DLG2: variants seen among roughly 807,000 people sequenced by gnomAD.
DLG2 encodes the protein discs large MAGUK scaffold protein 2.
Under a neutral mutation model 132.5 loss-of-function variants are expected in DLG2, and 45 were observed. That is an observed-to-expected ratio of 0.34 (90% CI 0.27 to 0.44). DLG2 has a LOEUF of 0.44. DLG2 is among the 20% of genes least tolerant of loss of function. DLG2 has a pLI of 1.00. For missense variants in DLG2, 1,045 were observed against 1,196.9 expected (o/e 0.87, Z 1.87); for synonymous variants, 424 against 419.6 (o/e 1.01, Z -0.13).
At chr11:83,724,472 TGTGTGAGAGAGA>T (rs1457593793) in intron 18 of DLG2, among the ~76,000 whole-genome samples, 3 of 97,532 alleles carry the variant, frequency 3.1e-5, no homozygotes, top group Non-Finnish European at 6.5e-5. Flanking sequence ...TGTGTGTGTG[TGTGTGAGAGAGA>T]GAGAGAGAGA....
chr11:83,918,056 A>G (rs919760813), intron 15 of DLG2, among the ~76,000 whole-genome samples: 5 of 152,174 alleles, frequency 3.3e-5, no homozygotes, highest in Non-Finnish European at 7.4e-5. Context: ...ATAATGTGAG[A>G]AGGCAGATGT....
chr11:83,745,097 G>T (rs1422654406), intron 18 of DLG2, among the ~76,000 whole-genome samples: 2 of 152,124 alleles, frequency 1.3e-5, no homozygotes, highest in African/African-American at 2.4e-5. Context: ...ACTCATGATT[G>T]GTTCCCATGC....
chr11:84,595,485 T>TA (rs111591484), intron 6 of DLG2, among the ~76,000 whole-genome samples: 10,403 of 135,692 alleles, frequency 0.077, 461 homozygotes, highest in South Asian at 0.2. Context: ...TTCCTTTTTC[T>TA]AAAAAAAAAA....
intron 3 of DLG2, among the ~76,000 whole-genome samples, chr11:85,477,270 A>G (rs933620828): frequency 6.6e-6 from 1 of 152,248 alleles, no homozygotes; most frequent in Non-Finnish European, 1.5e-5. Context: ...ATGATAAAAT[A>G]TAAAATCACA....
intron 5 of DLG2, among the ~76,000 whole-genome samples, chr11:85,150,939 T>G (rs1039225082): frequency 1.3e-5 from 2 of 152,162 alleles, no homozygotes; most frequent in Non-Finnish European, 2.9e-5. Context: ...TTTAAAGTTT[T>G]CAAGAATCTT....
chr11:84,065,686 C>T (rs952861915), intron 10 of DLG2, among the ~76,000 whole-genome samples: 1 of 152,130 alleles, frequency 6.6e-6, no homozygotes, highest in Non-Finnish European at 1.5e-5. Flanking sequence ...AACAAAATTA[C>T]CATTCAACCT....
intron 7 of DLG2, among the ~76,000 whole-genome samples, chr11:84,398,316 C>A (rs2098817817): frequency 6.6e-6 from 1 of 151,996 alleles, no homozygotes; most frequent in African/African-American, 2.4e-5. Flanking sequence ...AGGAGGAAAC[C>A]AGAAAGCAAA....
intron 6 of DLG2, among the ~76,000 whole-genome samples, chr11:84,802,612 C>G (rs554975557): frequency 3.4e-5 from 5 of 148,730 alleles, no homozygotes; most frequent in Non-Finnish European, 7.4e-5. Flanking sequence ...TTGGCCAAAC[C>G]CAATTAGACA....
At chr11:84,941,508 ATTGAT>A (rs2049418631) in intron 6 of DLG2, among the ~76,000 whole-genome samples, 2 of 152,080 alleles carry the variant, frequency 1.3e-5, no homozygotes, top group Admixed American at 1.3e-4. Flanking sequence ...CCTTCATTCA[ATTGAT>A]TTGATGTATC....
chr11:85,339,707 C>G (rs1321185088), intron 3 of DLG2, among the ~76,000 whole-genome samples: 2 of 152,140 alleles, frequency 1.3e-5, no homozygotes, highest in Non-Finnish European at 2.9e-5. Context: ...GTCCCTCAGT[C>G]TTTAAGACTT....
intron 8 of DLG2, among the ~76,000 whole-genome samples, chr11:84,207,206 G>A (rs1352685607): frequency 6.6e-6 from 1 of 151,938 alleles, no homozygotes; most frequent in East Asian, 1.9e-4. Flanking sequence ...ATATTGTAGA[G>A]AGGTAAATTA....
At chr11:84,676,315 C>T (rs2099711153) in intron 6 of DLG2, among the ~76,000 whole-genome samples, 1 of 151,978 alleles carries the variant, frequency 6.6e-6, no homozygotes, top group Non-Finnish European at 1.5e-5. Flanking sequence ...TATAATTAGT[C>T]AGTTCTTTCT....
intron 6 of DLG2, among the ~76,000 whole-genome samples, chr11:84,950,916 C>A (rs766230281): frequency 6.6e-6 from 1 of 152,058 alleles, no homozygotes; most frequent in African/African-American, 2.4e-5. Flanking sequence ...AACCATGAGA[C>A]ATTACTTCTT....
chr11:84,654,978 C>G (rs2099686473), intron 6 of DLG2, among the ~76,000 whole-genome samples: 1 of 152,172 alleles, frequency 6.6e-6, no homozygotes. Flanking sequence ...TTTATTTAAA[C>G]AGAAGCCTCC....
chr11:85,006,232 C>T (rs557766671), intron 6 of DLG2, among the ~76,000 whole-genome samples: 2 of 152,282 alleles, frequency 1.3e-5, no homozygotes, highest in Non-Finnish European at 2.9e-5. Flanking sequence ...CAGGATGATG[C>T]TGTCCTCATA....
chr11:84,947,479 C>T (rs2050367043), intron 6 of DLG2, among the ~76,000 whole-genome samples: 1 of 152,124 alleles, frequency 6.6e-6, no homozygotes, highest in Admixed American at 6.5e-5. Context: ...CATAGGATGT[C>T]CCACTTATAG....
chr11:85,099,128 A>C (rs533543967), intron 6 of DLG2, among the ~76,000 whole-genome samples: 1 of 152,344 alleles, frequency 6.6e-6, no homozygotes, highest in Non-Finnish European at 1.5e-5. Flanking sequence ...AAGTTTGTCC[A>C]AACATTTTGT....
intron 16 of DLG2, among the ~76,000 whole-genome samples, chr11:83,856,226 G>T (rs750863304): frequency 6.6e-6 from 1 of 152,068 alleles, no homozygotes; most frequent in Non-Finnish European, 1.5e-5. Context: ...TCTTTATCCA[G>T]TCTATCATTG....
Position 84,305,047 on chromosome 11 carries a change from TA to T in DLG2, c.520-53757del, listed in dbSNP as rs916128099. ...GCCTTTACCAAAGTAAAAGAAGAAATAAAAAAAAAGTAGTTTATATTAAAAT... is the reference window on the plus strand; with the variant it reads ...GCCTTTACCAAAGTAAAAGAAGAAATAAAAAAAAGTAGTTTATATTAAAAT... On this transcript the variant is annotated intron_variant, in intron 7 of 27. Transcript: ENST00000376104. 3.8e-4 allele frequency among the ~76,000 whole-genome samples: 57 copies of T among 150,934 alleles called. 1 individual carries two copies. The highest frequency in any genetic ancestry group is 3.7e-3 in the East Asian group (19 of 5,152).
Sources: allele counts gnomAD v4.1 joint callset (sites outside exome capture counted in the v4.1 genomes callset), GRCh38; gene constraint gnomAD v4.1.1; transcripts MANE v1.5; gene names NCBI Gene and HGNC (gene_info 2026-07-23, HGNC 2026-07-21).